FAM171A1: variants seen among roughly 807,000 people sequenced by gnomAD.
FAM171A1 encodes protein FAM171A1.
A neutral mutation model predicts 74.9 loss-of-function variants in FAM171A1; 23 were observed. The ratio of observed to expected loss-of-function variants is 0.31; its 90% CI spans 0.22 to 0.44. The LOEUF (loss-of-function observed/expected upper bound fraction) is 0.44, where lower values mean the gene tolerates loss of function less well. FAM171A1 is among the 20% of genes least tolerant of loss of function. FAM171A1 has a pLI of 1.00. For synonymous variants in FAM171A1, 527 were observed against 505.7 expected (o/e 1.04, Z -0.57); for missense variants, 1,162 against 1,159.2 (o/e 1.00, Z -0.03).
chr10:15,298,163 T>C (rs946422534), intron 1 of FAM171A1, among the ~76,000 whole-genome samples: 2 of 152,126 alleles, frequency 1.3e-5, no homozygotes, highest in Non-Finnish European at 2.9e-5. Context: ...GTTTCACTCT[T>C]GTCACCCATG....
chr10:15,318,454 C>T (rs1232807992), intron 1 of FAM171A1, among the ~76,000 whole-genome samples: 1 of 152,184 alleles, frequency 6.6e-6, no homozygotes, highest in Admixed American at 6.5e-5. Flanking sequence ...AAAAGGCAAT[C>T]AACTTTGGCC....
Position 15,213,579 on chromosome 10 carries a change from G to A in FAM171A1, c.2009C>T (p.Pro670Leu). 6.2e-7 allele frequency: 1 copy of A among 1,614,178 alleles called. No individual in the cohort carries two copies. The change falls in exon 8 of 8, where the codon CCA becomes CTA. Residue 670 changes from proline (P) to leucine (L), a missense_variant. Transcript: ENST00000378116. The surrounding 1 kb of genome is among the most constrained non-coding windows in gnomAD (Gnocchi z 6.8). ...NASMSESLSI[P>L]ASLNDAALAQ... ...CAAAGCCGCGTCGTTCAGGGAAGCT[G>A]GGATGGAGAGAGACTCCGACATGGA...
chr10:15,361,593 G>T (rs1183042537), intron 1 of FAM171A1, among the ~76,000 whole-genome samples: 1 of 152,138 alleles, frequency 6.6e-6, no homozygotes, highest in Non-Finnish European at 1.5e-5. Context: ...TGAGGCAAGA[G>T]AATCGCTTGA....
rs908198748 is a variant in FAM171A1 at position 15,283,787 on chromosome 10, G to T, written c.325+91C>A. The T allele has an allele frequency of 1.0e-5, 13 of 1,290,926 alleles. No homozygotes were observed. The African/African-American group carries it at 1.8e-4, about 18-fold the overall frequency. The allele number at this position is 1,290,926 out of a possible 1,614,324, so 80.0% of individuals were successfully genotyped here. On this transcript the variant is annotated intron_variant, in intron 2 of 7. Transcript: ENST00000378116. ...TTTTGTAGAGATGCAGTCTCACTAT[G>T]TTGCCCAAGCTGGTTTCAGACTCCT... is the stretch of plus-strand genomic sequence containing the variant.
chr10:15,330,710 CTTCTTTT>C (rs1237440702), intron 1 of FAM171A1, among the ~76,000 whole-genome samples: 4 of 69,514 alleles, frequency 5.8e-5, no homozygotes, highest in African/African-American at 1.4e-4. Flanking sequence ...TTTTCTTCTT[CTTCTTTT>C]TTTTTTTTTT....
intron 3 of FAM171A1, among the ~76,000 whole-genome samples, chr10:15,264,037 G>A (rs1366808594): frequency 6.6e-6 from 1 of 152,038 alleles, no homozygotes; most frequent in Non-Finnish European, 1.5e-5. Flanking sequence ...GGGGTACACT[G>A]GCACAATCAT....
At chr10:15,254,289 G>C (rs923077483) in intron 4 of FAM171A1, among the ~76,000 whole-genome samples, 2 of 152,108 alleles carry the variant, frequency 1.3e-5, no homozygotes, top group African/African-American at 4.8e-5. Context: ...TAGGTGGGTG[G>C]GGTGGTAAGT....
chr10:15,305,851 A>G (rs1046170865), intron 1 of FAM171A1, among the ~76,000 whole-genome samples: 1 of 152,128 alleles, frequency 6.6e-6, no homozygotes, highest in East Asian at 1.9e-4. Context: ...CTAAAATCGG[A>G]GAAAGGCTTG....
intron 1 of FAM171A1, among the ~76,000 whole-genome samples, chr10:15,359,773 A>G (rs573480644): frequency 7.2e-5 from 11 of 152,186 alleles, no homozygotes; most frequent in African/African-American, 2.2e-4. Context: ...GCCTGGATGC[A>G]CTCTTGCTGA....
At chr10:15,316,765 C>T (rs981613825) in intron 1 of FAM171A1, among the ~76,000 whole-genome samples, 1 of 152,166 alleles carries the variant, frequency 6.6e-6, no homozygotes, top group African/African-American at 2.4e-5. Context: ...CGTTCACTCC[C>T]GGTAGGAATA....
In FAM171A1 at chr10:15,287,091, C is replaced by CTT. The variant is rs145921203; in HGVS notation, c.98-2988_98-2987dup. Reference sequence around the variant, plus strand: ...ACACATACACACACATTTTCTTCTTCTTTTTTTTTTTTTTTTTTGAGATGG... The same window carrying CTT: ...ACACATACACACACATTTTCTTCTTCTTTTTTTTTTTTTTTTTTTTGAGATGG... On this transcript the variant is annotated intron_variant, in intron 1 of 7. Coordinates refer to ENST00000378116, the MANE Select transcript of FAM171A1 (RefSeq NM_001010924.2). Among the ~76,000 whole-genome samples, 953 of 129,476 alleles carry CTT rather than the reference C, an allele frequency of 7.4e-3. 14 individuals are homozygous for CTT. Among genetic ancestry groups the CTT allele is most frequent in the African/African-American group, 0.02 (687 of 34,180 alleles). The allele number at this position is 129,476 out of a possible 152,430, so 84.9% of individuals were successfully genotyped here.
Position 15,212,805 on chromosome 10 carries a change from C to G in FAM171A1, c.*110G>C. On this transcript the variant is annotated 3_prime_UTR_variant, in exon 8 of 8. Transcript: ENST00000378116. ...CAGGAATGCAGTAAACGTCCACGTC[C>G]GTCCCACGGCTGGGCTGCCGTTCCG... The G allele has an allele frequency of 7.2e-7, 1 of 1,381,476 alleles. No homozygotes were observed. The highest frequency in any genetic ancestry group is 9.9e-7 in the Non-Finnish European group (1 of 1,012,660). 85.6% of individuals were successfully genotyped at this position (1,381,476 alleles called of 1,614,324 possible).
At chr10:15,240,729 C>A (rs1402373388) in intron 5 of FAM171A1, 2 of 985,170 alleles carry the variant, frequency 2.0e-6, no homozygotes, top group Admixed American at 6.2e-5. Flanking sequence ...CATGGATATA[C>A]TGAGTTAGTG....
At chr10:15,348,228 C>A (rs1835839497) in intron 1 of FAM171A1, among the ~76,000 whole-genome samples, 1 of 152,216 alleles carries the variant, frequency 6.6e-6, no homozygotes, top group Non-Finnish European at 1.5e-5. Flanking sequence ...TTCCGCCTGC[C>A]TCAGCCTCCC....
intron 1 of FAM171A1, among the ~76,000 whole-genome samples, chr10:15,291,346 C>G (rs1275992664): frequency 6.6e-6 from 1 of 152,192 alleles, no homozygotes; most frequent in Non-Finnish European, 1.5e-5. Context: ...TAGGGGCCAT[C>G]AGCCACATGT....
At chr10:15,356,155 G>A (rs554928099) in intron 1 of FAM171A1, among the ~76,000 whole-genome samples, 25 of 151,814 alleles carry the variant, frequency 1.6e-4, no homozygotes, top group Middle Eastern at 3.4e-3. Flanking sequence ...GCCATTTATA[G>A]CTGGAAAGTA....
At chr10:15,332,042 C>T (rs1353822859) in intron 1 of FAM171A1, among the ~76,000 whole-genome samples, 2 of 151,734 alleles carry the variant, frequency 1.3e-5, no homozygotes, top group Non-Finnish European at 2.9e-5. Flanking sequence ...CTCTGCCTCC[C>T]AGGTTCAGGC....
intron 1 of FAM171A1, among the ~76,000 whole-genome samples, chr10:15,363,569 C>T (rs1005911533): frequency 6.6e-6 from 1 of 152,168 alleles, no homozygotes; most frequent in Non-Finnish European, 1.5e-5. Flanking sequence ...GCCCAGAAAT[C>T]GAGAAGGTTC....
intron 5 of FAM171A1, among the ~76,000 whole-genome samples, chr10:15,240,269 G>A (rs1834347074): frequency 6.6e-6 from 1 of 152,154 alleles, no homozygotes; most frequent in South Asian, 2.1e-4. Flanking sequence ...GCTGAGGCCA[G>A]AGAATCACTT....
Sources: gnomAD v4.1 joint callset for allele counts (sites outside exome capture counted in the v4.1 genomes callset) on GRCh38, gnomAD v4.1.1 for gene constraint, Gnocchi (gnomAD v3.1) non-coding constraint, MANE v1.5 for transcripts, NCBI Gene and HGNC (gene_info 2026-07-23, HGNC 2026-07-21) for gene names.